Variants in PHLDB2 observed in about 807,000 individuals in gnomAD.
PHLDB2 encodes pleckstrin homology-like domain family B member 2.
A neutral mutation model predicts 123.6 loss-of-function variants in PHLDB2; 71 were observed. That is an observed-to-expected ratio of 0.57 (90% confidence interval 0.47 to 0.70). The LOEUF is 0.70. PHLDB2 is among the 30% of genes least tolerant of loss of function. The pLI, the probability that PHLDB2 is intolerant of heterozygous loss-of-function variation, is 0.00. For synonymous variants in PHLDB2, 547 were observed against 541.6 expected (o/e 1.01, Z -0.14); for missense variants, 1,446 against 1,519.5 (o/e 0.95, Z 0.80).
chr3:111,959,790 T>C (rs1337957429), intron 12 of PHLDB2, among the ~76,000 whole-genome samples: 1 of 152,186 alleles, frequency 6.6e-6, no homozygotes, highest in Admixed American at 6.5e-5. Flanking sequence ...GACATACAGT[T>C]CCCTTAAGAA....
At chr3:111,925,388 G>C (rs1187756010) in intron 5 of PHLDB2, among the ~76,000 whole-genome samples, 1 of 152,018 alleles carries the variant, frequency 6.6e-6, no homozygotes, top group African/African-American at 2.4e-5. Flanking sequence ...CCACTGTTAC[G>C]AACATCAATA....
At chr3:111,967,165 C>T (rs1323460714) in intron 14 of PHLDB2, among the ~76,000 whole-genome samples, 1 of 152,054 alleles carries the variant, frequency 6.6e-6, no homozygotes, top group South Asian at 2.1e-4. Flanking sequence ...CTTAGGAATC[C>T]CCCAAAATGC....
intron 5 of PHLDB2, among the ~76,000 whole-genome samples, chr3:111,927,600 C>T (rs916553059): frequency 3.9e-5 from 6 of 152,126 alleles, no homozygotes; most frequent in African/African-American, 1.2e-4. Flanking sequence ...AATACAAGAA[C>T]CTCAGGTACA....
intron 1 of PHLDB2, among the ~76,000 whole-genome samples, chr3:111,766,808 G>A (rs371212131): frequency 1.8e-4 from 27 of 152,234 alleles, no homozygotes; most frequent in African/African-American, 6.5e-4. Flanking sequence ...CAAGGCAGGT[G>A]AAACACCTGA....
intron 1 of PHLDB2, among the ~76,000 whole-genome samples, chr3:111,818,204 G>A (rs1186728450): frequency 7.0e-6 from 1 of 143,072 alleles, no homozygotes; most frequent in East Asian, 2.1e-4. Flanking sequence ...GTGTCTGCAT[G>A]TGTTACTATT....
At position 111,885,273 on chromosome 3, in the gene PHLDB2, G is replaced by T. The variant is rs769827679; in HGVS notation, c.1196G>T (p.Arg399Ile). 1.9e-6 allele frequency: 3 copies of T among 1,614,190 alleles called. No individual in the cohort carries two copies. Among genetic ancestry groups the T allele is most frequent in the South Asian group, 2.2e-5 (2 of 91,080 alleles). ...EFDEADLESL[R>I]QASGTPQPAL... ...GATGAGGCAGATTTGGAAAGCCTCA[G>T]ACAGGCCTCAGGAACCCCCCAGCCT... Residue 399 changes from arginine (R) to isoleucine (I), a missense_variant, in exon 2 of 18, where the codon AGA (arginine) becomes ATA (isoleucine). By Grantham distance (97) the Arg-to-Ile change is moderately conservative (BLOSUM62 -3). This residue lies in a region of PHLDB2 where 832 missense variants were observed against 831.9 expected (regional missense o/e 1.00). Transcript: ENST00000431670.
chr3:111,932,420 C>G, intron 6 of PHLDB2, 23 bp downstream of exon 6: 1 of 1,530,756 alleles, frequency 6.5e-7, no homozygotes, highest in Non-Finnish European at 8.8e-7. Flanking sequence ...CAGGAATGCA[C>G]CAGTTATTTT....
At chr3:111,798,972 G>A (rs926544482) in intron 1 of PHLDB2, among the ~76,000 whole-genome samples, 29 of 152,158 alleles carry the variant, frequency 1.9e-4, no homozygotes, top group African/African-American at 7.0e-4. Flanking sequence ...TGGCTAGGGA[G>A]GCCCTAGGAA....
At chr3:111,910,663 A>G (rs1158596617) in intron 2 of PHLDB2, among the ~76,000 whole-genome samples, 1 of 152,212 alleles carries the variant, frequency 6.6e-6, no homozygotes, top group African/African-American at 2.4e-5. Context: ...TGCAGGTTGC[A>G]GGCTATTGGC....
chr3:111,807,863 A>G (rs922350586), intron 1 of PHLDB2, among the ~76,000 whole-genome samples: 16 of 152,094 alleles, frequency 1.1e-4, no homozygotes, highest in African/African-American at 3.4e-4. Flanking sequence ...TGCCAGCTAA[A>G]TTGGGAATTA....
At chr3:111,819,142 T>C (rs2062244047) in intron 1 of PHLDB2, among the ~76,000 whole-genome samples, 1 of 152,036 alleles carries the variant, frequency 6.6e-6, no homozygotes, top group African/African-American at 2.4e-5. Context: ...TGTCTATTCT[T>C]ATGAGGGCAC....
intron 7 of PHLDB2, 126 bp downstream of exon 7, chr3:111,939,756 T>A: frequency 1.1e-6 from 1 of 937,484 alleles, no homozygotes; most frequent in South Asian, 1.9e-5. Flanking sequence ...ATGTGGCAAA[T>A]GGTGTTCCAA....
chr3:111,811,805 C>A (rs2108338346), intron 1 of PHLDB2, among the ~76,000 whole-genome samples: 1 of 152,294 alleles, frequency 6.6e-6, no homozygotes, highest in Non-Finnish European at 1.5e-5. Flanking sequence ...AAACAAACAT[C>A]TTTTGCTCAC....
intron 5 of PHLDB2, among the ~76,000 whole-genome samples, chr3:111,921,642 C>T (rs1483810867): frequency 7.6e-6 from 1 of 131,494 alleles, no homozygotes; most frequent in African/African-American, 2.9e-5. Context: ...CTCACTCTGT[C>T]GCCCAGGCTG....
At chr3:111,938,871 A>C (rs968771579) in intron 6 of PHLDB2, among the ~76,000 whole-genome samples, 2 of 151,864 alleles carry the variant, frequency 1.3e-5, no homozygotes, top group African/African-American at 4.8e-5. Flanking sequence ...GGTGGAGTGC[A>C]ATGGCACAAT....
intron 1 of PHLDB2, among the ~76,000 whole-genome samples, chr3:111,735,674 A>G (rs1941664757): frequency 6.6e-6 from 1 of 152,232 alleles, no homozygotes; most frequent in East Asian, 1.9e-4. Context: ...CATCATTTTC[A>G]TTAACCAAAA....
chr3:111,904,863 G>A (rs116388270), intron 2 of PHLDB2, among the ~76,000 whole-genome samples: 4 of 152,292 alleles, frequency 2.6e-5, no homozygotes, highest in Non-Finnish European at 4.4e-5. Context: ...TAATGCTTAT[G>A]CTGTTTACTT....
At chr3:111,897,040 C>T (rs1212120467) in intron 2 of PHLDB2, among the ~76,000 whole-genome samples, 1 of 152,188 alleles carries the variant, frequency 6.6e-6, no homozygotes, top group East Asian at 1.9e-4. Flanking sequence ...AGTGAAGATA[C>T]AGAACAGTTC....
intron 5 of PHLDB2, among the ~76,000 whole-genome samples, chr3:111,927,372 T>C (rs916706489): frequency 6.6e-6 from 1 of 151,928 alleles, no homozygotes; most frequent in African/African-American, 2.4e-5. Context: ...GTCAAATAAA[T>C]AAATAAATAA....
Sources: gnomAD v4.1 joint callset for allele counts (sites outside exome capture counted in the v4.1 genomes callset) on GRCh38, gnomAD v4.1.1 for gene constraint, gnomAD v4.1.1 regional missense constraint, MANE v1.5 for transcripts, NCBI Gene and HGNC (gene_info 2026-07-23, HGNC 2026-07-21) for gene names.